Variants in LDB2 observed in about 807,000 individuals in gnomAD.
The protein encoded by LDB2 is LIM domain-binding protein 2.
Under a neutral mutation model 44.3 loss-of-function variants are expected in LDB2, and 12 were observed. The ratio of observed to expected loss-of-function variants is 0.27; its 90% CI spans 0.17 to 0.44. LDB2 has a LOEUF of 0.44. Among genes scored for constraint, LDB2 ranks in the 20% least tolerant of loss-of-function variants. LDB2 has a pLI of 1.00. For synonymous variants in LDB2, 164 were observed against 174.8 expected (o/e 0.94, Z 0.49); for missense variants, 344 against 473.5 (o/e 0.73, Z 2.54).
At chr4:16,717,159 AAATAATAATAAT>A (rs140994016) in intron 2 of LDB2, among the ~76,000 whole-genome samples, 6 of 146,484 alleles carry the variant, frequency 4.1e-5, no homozygotes, top group South Asian at 2.2e-4. Flanking sequence ...AGCTAATAGC[AAATAATAATAAT>A]AATAATAATA....
chr4:16,597,562 C>G (rs540050248), intron 2 of LDB2, among the ~76,000 whole-genome samples: 1 of 152,260 alleles, frequency 6.6e-6, no homozygotes, highest in South Asian at 2.1e-4. Flanking sequence ...TAACTTAAAG[C>G]TAATTATCAC....
intron 5 of LDB2, among the ~76,000 whole-genome samples, chr4:16,518,413 C>T (rs1394146493): frequency 4.0e-5 from 6 of 151,888 alleles, no homozygotes; most frequent in African/African-American, 1.5e-4. Flanking sequence ...GGCCTTGAAC[C>T]CTCTACTCTT....
At chr4:16,668,759 A>C (rs1743981710) in intron 2 of LDB2, among the ~76,000 whole-genome samples, 1 of 152,160 alleles carries the variant, frequency 6.6e-6, no homozygotes. Context: ...AAAACGCAAG[A>C]GATTTAGGTG....
At chr4:16,560,673 T>G (rs527704227) in intron 5 of LDB2, among the ~76,000 whole-genome samples, 12 of 152,314 alleles carry the variant, frequency 7.9e-5, no homozygotes, top group African/African-American at 2.6e-4. Context: ...TCTGAAACTA[T>G]TCCAATCAAT....
chr4:16,809,752 C>A (rs182966806), intron 1 of LDB2, among the ~76,000 whole-genome samples: 8 of 146,386 alleles, frequency 5.5e-5, no homozygotes, highest in African/African-American at 1.5e-4. Flanking sequence ...AAAAAAAAAA[C>A]GGAACTACAT....
At chr4:16,671,469 C>T (rs1744750020) in intron 2 of LDB2, among the ~76,000 whole-genome samples, 1 of 152,282 alleles carries the variant, frequency 6.6e-6, no homozygotes, top group South Asian at 2.1e-4. Flanking sequence ...GCTCACCTGC[C>T]TTTGTCCCTC....
intron 1 of LDB2, among the ~76,000 whole-genome samples, chr4:16,872,012 GAATT>G (rs1388140102): frequency 6.6e-6 from 1 of 152,090 alleles, no homozygotes; most frequent in Non-Finnish European, 1.5e-5. Flanking sequence ...CATTTTGGGA[GAATT>G]AATTGGCTAT....
intron 1 of LDB2, among the ~76,000 whole-genome samples, chr4:16,897,909 T>TATATATATATATATATATAC (rs1725595904): frequency 2.0e-4 from 3 of 14,850 alleles, no homozygotes; most frequent in Admixed American, 1.2e-3. Flanking sequence ...TATATATATA[T>TATATATATATATATATATAC]ATATATATAT....
At chr4:16,887,032 C>CAA (rs371783496) in intron 1 of LDB2, among the ~76,000 whole-genome samples, 1,110 of 50,444 alleles carry the variant, frequency 0.022, 141 homozygotes, top group African/African-American at 0.054. Flanking sequence ...AACTCCGTCT[C>CAA]AAAAAAAAAA....
intron 5 of LDB2, among the ~76,000 whole-genome samples, chr4:16,534,787 G>C (rs894506330): frequency 6.6e-6 from 1 of 152,056 alleles, no homozygotes. Flanking sequence ...ACTTCTGTAG[G>C]GTCTCCCTTG....
At position 16,830,541 on chromosome 4, in the gene LDB2, A is replaced by G. The variant is rs184891055; in HGVS notation, c.132+67813T>C. Among the ~76,000 whole-genome samples the G allele has an allele frequency of 2.5e-4, 38 of 152,332 alleles. No individual in the cohort carries two copies. The East Asian group carries it at 6.9e-3, about 28-fold the overall frequency. ...TAATCCACATATGTGTGGAGGAGAG[A>G]TCTCACATAATTCCCAAGGCATGTC... is the stretch of plus-strand genomic sequence containing the variant. On this transcript the variant is annotated intron_variant, in intron 1 of 7. Coordinates refer to ENST00000304523, the MANE Select transcript of LDB2 (RefSeq NM_001290.5).
intron 5 of LDB2, among the ~76,000 whole-genome samples, chr4:16,520,882 C>G (rs368987563): frequency 3.3e-4 from 51 of 152,294 alleles, no homozygotes; most frequent in African/African-American, 1.2e-3. Flanking sequence ...AAGGCCCCTT[C>G]TGTTCTGTTC....
chr4:16,697,266 TACACACACAC>T (rs57040700), intron 2 of LDB2, among the ~76,000 whole-genome samples: 17 of 130,754 alleles, frequency 1.3e-4, no homozygotes, highest in South Asian at 5.3e-4. Flanking sequence ...CTACTAAAAA[TACACACACAC>T]ACACACACAC....
At chr4:16,815,082 C>G (rs1391401812) in intron 1 of LDB2, among the ~76,000 whole-genome samples, 3 of 152,204 alleles carry the variant, frequency 2.0e-5, no homozygotes, top group African/African-American at 7.2e-5. Context: ...AATCACAAAG[C>G]AGGAGAGCAT....
chr4:16,682,135 T>C (rs1207437060), intron 2 of LDB2, among the ~76,000 whole-genome samples: 1 of 152,214 alleles, frequency 6.6e-6, no homozygotes, highest in East Asian at 1.9e-4. Flanking sequence ...TTTAAGATAG[T>C]TGATGGATTT....
chr4:16,714,972 C>A (rs1405190671), intron 2 of LDB2, among the ~76,000 whole-genome samples: 1 of 152,166 alleles, frequency 6.6e-6, no homozygotes, highest in African/African-American at 2.4e-5. Flanking sequence ...TTTTCAAATA[C>A]TATGGGTTAG....
intron 2 of LDB2, among the ~76,000 whole-genome samples, chr4:16,725,439 C>T (rs541931039): frequency 9.9e-5 from 15 of 152,232 alleles, no homozygotes; most frequent in South Asian, 6.2e-4. Context: ...AGGAAGACAA[C>T]CTGCCATAAA....
intron 2 of LDB2, among the ~76,000 whole-genome samples, chr4:16,609,552 T>G (rs188901186): frequency 7.0e-4 from 107 of 152,312 alleles, no homozygotes; most frequent in African/African-American, 2.6e-3. Flanking sequence ...TCCCAAGACG[T>G]GTCCCCACAA....
chr4:16,678,238 A>G (rs1746841789), intron 2 of LDB2, among the ~76,000 whole-genome samples: 1 of 152,226 alleles, frequency 6.6e-6, no homozygotes, highest in South Asian at 2.1e-4. Context: ...TACCTTCTTC[A>G]CAGTAACACA....
Sources: allele counts gnomAD v4.1 joint callset (sites outside exome capture counted in the v4.1 genomes callset), GRCh38; gene constraint gnomAD v4.1.1; transcripts MANE v1.5; gene names NCBI Gene and HGNC (gene_info 2026-07-23, HGNC 2026-07-21).